The following GABRA3 variants were observed in gnomAD, a reference collection of about 807,000 sequenced individuals.
GABRA3 encodes gamma-aminobutyric acid type A receptor subunit alpha3.
A neutral mutation model predicts 30.1 loss-of-function variants in GABRA3; 10 were observed. That is an observed-to-expected ratio of 0.33 (90% CI 0.20 to 0.56). The LOEUF (loss-of-function observed/expected upper bound fraction) is 0.56. GABRA3 is among the 20% of genes least tolerant of loss of function. GABRA3 has a pLI of 0.89. For synonymous variants in GABRA3, 151 were observed against 146.8 expected, an observed-to-expected ratio of 1.03 and a Z score of -0.21; for missense variants, 233 against 392.0, an observed-to-expected ratio of 0.59 and a Z score of 3.42.
intron 5 of GABRA3, among the ~76,000 whole-genome samples, chrX:152,236,691 C>G (rs1197120985): frequency 9.4e-6 from 1 of 106,534 alleles, no homozygotes; most frequent in Non-Finnish European, 1.9e-5. Flanking sequence ...GCCATTCTAA[C>G]TGGTGTGAGA....
chrX:152,300,759 C>T lies in GABRA3; in HGVS notation c.263-16024G>A, dbSNP rs147793334. 3.0e-4 allele frequency among the ~76,000 whole-genome samples: 33 copies of T among 111,633 alleles called. No individual in the cohort carries two copies. In the East Asian group the frequency reaches 9.0e-3, roughly 30 times the overall value. ...TTACCAAAATAAAAAATTATCTGGGCGATCTCAATAGCAGAACAGAGATGA... is the reference window on the plus strand; with the variant it reads ...TTACCAAAATAAAAAATTATCTGGGTGATCTCAATAGCAGAACAGAGATGA... On this transcript the variant is annotated intron_variant, in intron 3 of 9. Coordinates refer to ENST00000370314, the MANE Select transcript of GABRA3 (RefSeq NM_000808.4).
chrX:152,287,626 C>T (rs772734154), intron 3 of GABRA3, among the ~76,000 whole-genome samples: 2 of 111,033 alleles, frequency 1.8e-5, no homozygotes, highest in African/African-American at 3.3e-5. Flanking sequence ...TTCATAGCAG[C>T]GTAAGAACGG....
At chrX:152,409,433 T>C (rs182628572) in intron 1 of GABRA3, among the ~76,000 whole-genome samples, 1 of 111,151 alleles carries the variant, frequency 9.0e-6, no homozygotes, top group East Asian at 2.8e-4. Flanking sequence ...AAGAAAACAT[T>C]AGGGAAACAC....
At chrX:152,382,013 G>A (rs1378030586) in intron 1 of GABRA3, among the ~76,000 whole-genome samples, 9 of 111,339 alleles carry the variant, frequency 8.1e-5, no homozygotes, top group African/African-American at 2.6e-4. Flanking sequence ...ACAAACATAC[G>A]TGTGCAACCT....
At chrX:152,271,065 G>A (rs913337178) in intron 4 of GABRA3, among the ~76,000 whole-genome samples, 20 of 108,009 alleles carry the variant, frequency 1.9e-4, no homozygotes, top group African/African-American at 5.7e-4. Context: ...GGGTTCAAGC[G>A]ATTCTCCTGC....
chrX:152,272,626 G>C (rs1404170392), intron 4 of GABRA3, among the ~76,000 whole-genome samples: 6 of 111,704 alleles, frequency 5.4e-5, no homozygotes, highest in African/African-American at 2.0e-4. Flanking sequence ...TGAAATGTGA[G>C]GACATAAGAT....
chrX:152,194,425 A>AT (rs60144687), intron 8 of GABRA3, among the ~76,000 whole-genome samples: 23,465 of 110,648 alleles, frequency 0.21, 1,868 homozygotes, highest in Admixed American at 0.26. Context: ...ATTTCAAAAT[A>AT]TTTTTTTAGG....
At chrX:152,386,152 G>A (rs1312638586) in intron 1 of GABRA3, among the ~76,000 whole-genome samples, 1 of 106,957 alleles carries the variant, frequency 9.3e-6, no homozygotes, top group African/African-American at 3.4e-5. Flanking sequence ...AGCTTGATGG[G>A]GATGGCATTG....
At position 152,442,867 on chromosome X, in the gene GABRA3, T is replaced by A. The variant is rs186427624; in HGVS notation, c.-27+8279A>T. Among the ~76,000 whole-genome samples the A allele has an allele frequency of 4.6e-4, 51 of 111,683 alleles. 1 individual carries two copies. In the East Asian group the frequency reaches 0.013, roughly 29 times the overall value. ...ACCTCACACTACACAGCAAAATAAA[T>A]TCCAGAGGGATTAAACATAAGCAAT... is the stretch of plus-strand genomic sequence containing the variant. On this transcript the variant is annotated intron_variant, in intron 1 of 9. Coordinates refer to ENST00000370314, the MANE Select transcript of GABRA3 (RefSeq NM_000808.4).
At chrX:152,341,364 A>G (rs1465932815) in intron 3 of GABRA3, among the ~76,000 whole-genome samples, 2 of 110,382 alleles carry the variant, frequency 1.8e-5, no homozygotes, top group Non-Finnish European at 3.8e-5. Flanking sequence ...TTTTTTATAC[A>G]ATGACTTCTT....
At chrX:152,213,213 T>C (rs1937654807) in intron 6 of GABRA3, among the ~76,000 whole-genome samples, 1 of 111,954 alleles carries the variant, frequency 8.9e-6, no homozygotes, top group Non-Finnish European at 1.9e-5. Context: ...AGCATTTCTT[T>C]TGAAATATTG....
intron 4 of GABRA3, among the ~76,000 whole-genome samples, chrX:152,272,630 A>G (rs143223911): frequency 0.035 from 3,898 of 111,564 alleles, 133 homozygotes; most frequent in African/African-American, 0.097. Context: ...ATGTGAGGAC[A>G]TAAGATTTGG....
intron 9 of GABRA3, among the ~76,000 whole-genome samples, chrX:152,179,350 G>A (rs1603198765): frequency 9.0e-6 from 1 of 110,737 alleles, no homozygotes; most frequent in African/African-American, 3.3e-5. Flanking sequence ...ACAGAACATT[G>A]CTATTAACTA....
At chrX:152,359,551 CTTCAG>C (rs1215658383) in intron 2 of GABRA3, among the ~76,000 whole-genome samples, 1 of 110,581 alleles carries the variant, frequency 9.0e-6, no homozygotes, top group Non-Finnish European at 1.9e-5. Flanking sequence ...TCTCAATTTC[CTTCAG>C]TTCAGCTCTG....
chrX:152,340,703 T>G (rs1165440850), intron 3 of GABRA3, among the ~76,000 whole-genome samples: 1 of 112,111 alleles, frequency 8.9e-6, no homozygotes, highest in Non-Finnish European at 1.9e-5. Context: ...AAGTTTTTCA[T>G]CTGCACATAA....
intron 6 of GABRA3, among the ~76,000 whole-genome samples, chrX:152,222,485 C>T (rs1313749241): frequency 3.7e-5 from 4 of 107,841 alleles, no homozygotes; most frequent in Non-Finnish European, 7.7e-5. Flanking sequence ...ATATATTAGC[C>T]ATAGCATTCT....
At chrX:152,262,834 T>C (rs1288180755) in intron 4 of GABRA3, among the ~76,000 whole-genome samples, 2 of 111,928 alleles carry the variant, frequency 1.8e-5, no homozygotes, top group Non-Finnish European at 3.8e-5. Context: ...TTTACAACAG[T>C]GCCCGACTCT....
intron 3 of GABRA3, among the ~76,000 whole-genome samples, chrX:152,343,987 G>A (rs1018959652): frequency 1.8e-5 from 2 of 111,280 alleles, no homozygotes; most frequent in Non-Finnish European, 3.8e-5. Flanking sequence ...GTGTGAGTGT[G>A]TGTGCATTTG....
chrX:152,265,733 G>A (rs781080015), intron 4 of GABRA3, among the ~76,000 whole-genome samples: 13 of 110,976 alleles, frequency 1.2e-4, no homozygotes, highest in African/African-American at 4.2e-4. Flanking sequence ...AGATAAACTT[G>A]ATAAACCTTT....
Sources: gnomAD v4.1 joint callset for allele counts (sites outside exome capture counted in the v4.1 genomes callset) on GRCh38, gnomAD v4.1.1 for gene constraint, MANE v1.5 for transcripts, NCBI Gene and HGNC (gene_info 2026-07-23, HGNC 2026-07-21) for gene names.